The following AKT3 variants were observed in gnomAD, a reference collection of about 807,000 sequenced individuals.
AKT3 encodes the protein AKT serine/threonine kinase 3, also known as RAC-gamma serine/threonine-protein kinase.
Under a neutral mutation model 65.3 loss-of-function variants are expected in AKT3, and 15 were observed. That is an observed-to-expected ratio of 0.23 (90% CI 0.15 to 0.35). The LOEUF is 0.35. AKT3 is among the 10% of genes least tolerant of loss of function. The pLI is 1.00. For missense variants in AKT3, 243 were observed against 576.5 expected, an observed-to-expected ratio of 0.42 and a Z score of 5.92; for synonymous variants, 206 against 183.8, an observed-to-expected ratio of 1.12 and a Z score of -0.98.
Position 243,637,632 on chromosome 1 carries a change from C to T in AKT3, c.540G>A (p.Lys180=), listed in dbSNP as rs80155418. The T allele has an allele frequency of 4.4e-6, 7 of 1,593,648 alleles. No homozygotes were observed. The Admixed American group carries it at 1.3e-4, about 29-fold the overall frequency. ...TTACCTTTGCAATAATGACTTCTTTCTTCAGAATCTTCATAGCATAGTATT... is the reference window on the plus strand; with the variant it reads ...TTACCTTTGCAATAATGACTTCTTTTTTCAGAATCTTCATAGCATAGTATT... ...SGKYYAMKIL[K]KEVIIAKDEV... is the part of the protein sequence containing the mutation. The change falls in exon 6 of 14, where the codon AAG becomes AAA. Residue 180 remains lysine, a synonymous_variant. Coordinates refer to ENST00000673466, the MANE Select transcript of AKT3 (RefSeq NM_005465.7).
At chr1:243,551,564 C>CAT (rs932691462) in intron 11 of AKT3, among the ~76,000 whole-genome samples, 5 of 151,228 alleles carry the variant, frequency 3.3e-5, no homozygotes, top group South Asian at 2.1e-4. Flanking sequence ...TTAACCCACT[C>CAT]ATATATATAT....
At chr1:243,537,485 A>G (rs1267552931) in intron 12 of AKT3, among the ~76,000 whole-genome samples, 1 of 152,056 alleles carries the variant, frequency 6.6e-6, no homozygotes, top group East Asian at 1.9e-4. Context: ...AGGAGTCCTC[A>G]ATTTCTTGAT....
At chr1:243,537,168 A>G (rs897234155) in intron 12 of AKT3, among the ~76,000 whole-genome samples, 79 of 152,254 alleles carry the variant, frequency 5.2e-4, no homozygotes, top group African/African-American at 1.8e-3. Flanking sequence ...ATTATTGACC[A>G]TGAATATTTT....
At chr1:243,669,446 C>T (rs566757722) in intron 3 of AKT3, among the ~76,000 whole-genome samples, 16 of 152,280 alleles carry the variant, frequency 1.1e-4, no homozygotes, top group Middle Eastern at 3.4e-3. Context: ...AGTTTTACTT[C>T]AGGTTCCCAT....
intron 1 of AKT3, chr1:243,843,552 T>TA: frequency 9.6e-7 from 1 of 1,040,636 alleles, no homozygotes. Context: ...ACCCAAATAA[T>TA]AGAGAAAATT....
chr1:243,790,601 A>T (rs903995330), intron 2 of AKT3, among the ~76,000 whole-genome samples: 2 of 152,216 alleles, frequency 1.3e-5, no homozygotes, highest in South Asian at 4.1e-4. Context: ...CTGGAATAGC[A>T]CTTTTCATTT....
chr1:243,721,347 T>C (rs1686891456), intron 2 of AKT3, among the ~76,000 whole-genome samples: 1 of 151,722 alleles, frequency 6.6e-6, no homozygotes. Flanking sequence ...TCTTGGTGAG[T>C]TTTTATATGC....
chr1:243,494,602 ATAGGGCT>A (rs1270987348), intron 13 of AKT3, among the ~76,000 whole-genome samples: 3 of 152,224 alleles, frequency 2.0e-5, no homozygotes, highest in Admixed American at 2.0e-4. Context: ...TGAAAAGCGC[ATAGGGCT>A]TCATTTTAGC....
intron 3 of AKT3, among the ~76,000 whole-genome samples, chr1:243,672,096 C>T (rs1417410657): frequency 1.3e-5 from 2 of 152,142 alleles, no homozygotes; most frequent in South Asian, 2.1e-4. Flanking sequence ...CGGGAGAGGG[C>T]TCCAATGTGT....
chr1:243,604,293 C>T (rs144849797), intron 8 of AKT3, among the ~76,000 whole-genome samples: 1 of 152,308 alleles, frequency 6.6e-6, no homozygotes, highest in African/African-American at 2.4e-5. Flanking sequence ...CTACTTCAAC[C>T]TCTATACTGC....
At chr1:243,732,435 ATACAGCAAAT>A (rs1295460756) in intron 2 of AKT3, among the ~76,000 whole-genome samples, 1 of 152,224 alleles carries the variant, frequency 6.6e-6, no homozygotes, top group Non-Finnish European at 1.5e-5. Context: ...GAATTACTAA[ATACAGCAAAT>A]GTGTTTTTAA....
chr1:243,630,902 G>A (rs1679557212), intron 6 of AKT3, among the ~76,000 whole-genome samples: 1 of 151,898 alleles, frequency 6.6e-6, no homozygotes, highest in Non-Finnish European at 1.5e-5. Flanking sequence ...CTGTAATGAA[G>A]GAAAGGTTAC....
chr1:243,517,959 T>C (rs1373632936), intron 12 of AKT3, among the ~76,000 whole-genome samples: 1 of 152,250 alleles, frequency 6.6e-6, no homozygotes, highest in Admixed American at 6.5e-5. Flanking sequence ...GAATCAATCA[T>C]TCAGTCTTGC....
rs199778795 is a variant in AKT3 at position 243,763,066 on chromosome 1, A to G, written c.47-67350T>C. Among the ~76,000 whole-genome samples, 5 of 152,216 alleles carry G rather than the reference A, an allele frequency of 3.3e-5. No homozygotes were observed. The East Asian group carries it at 9.6e-4, about 29-fold the overall frequency. ...GTACGGCTTATTACTCTAATAAAGA[A>G]AAACAATATAAAGTTTATTTTACTA... is the stretch of plus-strand genomic sequence containing the variant. On this transcript the variant is annotated intron_variant, in intron 2 of 13. Transcript: ENST00000673466.
chr1:243,492,605 T>TTTTTC (rs1491352516), intron 13 of AKT3, among the ~76,000 whole-genome samples: 23 of 10,660 alleles, frequency 2.2e-3, no homozygotes, highest in African/African-American at 4.2e-3. Context: ...CGCCCAGCTG[T>TTTTTC]TTTTTTTTTT....
At chr1:243,625,051 C>A in intron 6 of AKT3, 1 of 348,354 alleles carries the variant, frequency 2.9e-6, no homozygotes, top group Admixed American at 2.8e-5. Context: ...AGAAAGCCTC[C>A]TCCACCCTTG....
chr1:243,689,482 ATTTT>A (rs11354558), intron 3 of AKT3, among the ~76,000 whole-genome samples: 5 of 128,386 alleles, frequency 3.9e-5, no homozygotes, highest in Admixed American at 8.0e-5. Context: ...TTATTCAAAG[ATTTT>A]TTTTTTTTTT....
At chr1:243,797,470 T>G (rs1051184478) in intron 2 of AKT3, among the ~76,000 whole-genome samples, 9 of 152,190 alleles carry the variant, frequency 5.9e-5, no homozygotes, top group Admixed American at 5.2e-4. Context: ...ATTAACTGTC[T>G]TCTAGGTCTC....
intron 6 of AKT3, among the ~76,000 whole-genome samples, chr1:243,630,345 A>G (rs1679514341): frequency 6.6e-6 from 1 of 152,182 alleles, no homozygotes; most frequent in Non-Finnish European, 1.5e-5. Flanking sequence ...TCTATGCATA[A>G]TCCACCCTGG....
Sources: gnomAD v4.1 joint callset for allele counts (sites outside exome capture counted in the v4.1 genomes callset) on GRCh38, gnomAD v4.1.1 for gene constraint, MANE v1.5 for transcripts, NCBI Gene and HGNC (gene_info 2026-07-23, HGNC 2026-07-21) for gene names.